SLC30A9: variants seen among roughly 807,000 people sequenced by gnomAD.
The protein encoded by SLC30A9 is proton-coupled zinc antiporter SLC30A9, mitochondrial.
In SLC30A9, 58 loss-of-function variants were observed where a neutral mutation model predicts 87.5. That is an observed-to-expected ratio of 0.66 (90% CI 0.54 to 0.82). The LOEUF (loss-of-function observed/expected upper bound fraction) is 0.82, where lower values mean the gene tolerates loss of function less well. Ranked by LOEUF, SLC30A9 falls within the 40% of genes least tolerant of loss-of-function variation. SLC30A9 has a pLI of 0.00. For missense variants in SLC30A9, 557 were observed against 679.1 expected (o/e 0.82, Z 2.00); for synonymous variants, 234 against 233.0 (o/e 1.00, Z -0.04).
intron 1 of SLC30A9, among the ~76,000 whole-genome samples, chr4:42,000,996 G>A (rs1447018186): frequency 2.6e-5 from 4 of 151,972 alleles, no homozygotes; most frequent in African/African-American, 9.7e-5. Context: ...GGTAAATTGT[G>A]GAATATACTT....
chr4:42,054,592 A>G (rs1717526527), intron 9 of SLC30A9, among the ~76,000 whole-genome samples: 1 of 150,944 alleles, frequency 6.6e-6, no homozygotes, highest in South Asian at 2.1e-4. Flanking sequence ...CCAGGTTCAC[A>G]CCATTCTCCT....
intron 8 of SLC30A9, among the ~76,000 whole-genome samples, chr4:42,039,524 T>C (rs959128748): frequency 6.6e-6 from 1 of 151,158 alleles, no homozygotes; most frequent in Non-Finnish European, 1.5e-5. Context: ...GTGCAGTGGC[T>C]CAATCTCAGC....
At chr4:42,051,322 A>G (rs1717375735) in intron 9 of SLC30A9, among the ~76,000 whole-genome samples, 2 of 152,362 alleles carry the variant, frequency 1.3e-5, no homozygotes, top group South Asian at 4.1e-4. Flanking sequence ...TTCTTTAATA[A>G]AGGCAGCAAA....
rs558554225 is a variant in SLC30A9 at position 42,039,335 on chromosome 4, G to A, written c.737+282G>A. Among the ~76,000 whole-genome samples, 5 of 152,228 alleles carry A rather than the reference G, an allele frequency of 3.3e-5. No homozygotes were observed. In the East Asian group the frequency reaches 9.6e-4, roughly 29 times the overall value. ...TTTCTTGTTTTTATTGGAGTTGATA[G>A]AAGTCTTTTTTAAAGAAGTTAGCTA... On this transcript the variant is annotated intron_variant, in intron 8 of 17. Coordinates refer to ENST00000264451, the MANE Select transcript of SLC30A9 (RefSeq NM_006345.4).
At chr4:42,032,809 T>C (rs1716503260) in intron 6 of SLC30A9, among the ~76,000 whole-genome samples, 1 of 152,236 alleles carries the variant, frequency 6.6e-6, no homozygotes, top group South Asian at 2.1e-4. Context: ...TCAGGAATAA[T>C]ATGTTTCAGA....
chr4:42,055,765 C>A (rs982561471), intron 9 of SLC30A9, among the ~76,000 whole-genome samples: 2 of 152,060 alleles, frequency 1.3e-5, no homozygotes, highest in Non-Finnish European at 2.9e-5. Context: ...AGGTTATATG[C>A]GGTTATATGC....
At chr4:42,039,092 T>C in intron 8 of SLC30A9, 39 bp downstream of exon 8, 1 of 1,375,574 alleles carries the variant, frequency 7.3e-7, no homozygotes, top group Non-Finnish European at 1.0e-6. Context: ...ATAGAATATA[T>C]TCTTTTAAAT....
At chr4:42,014,082 C>T (rs1036806786) in intron 2 of SLC30A9, among the ~76,000 whole-genome samples, 24 of 152,138 alleles carry the variant, frequency 1.6e-4, no homozygotes, top group African/African-American at 5.3e-4. Flanking sequence ...TCTCAAGAGA[C>T]GTTTTCAAAA....
At chr4:42,054,022 A>G (rs1348272944) in intron 9 of SLC30A9, among the ~76,000 whole-genome samples, 2 of 152,162 alleles carry the variant, frequency 1.3e-5, no homozygotes, top group East Asian at 1.9e-4. Context: ...TCATAGGAAT[A>G]TATGTTTCAA....
At chr4:42,037,353 C>T (rs1716726873) in intron 7 of SLC30A9, among the ~76,000 whole-genome samples, 1 of 136,186 alleles carries the variant, frequency 7.3e-6, no homozygotes, top group Non-Finnish European at 1.5e-5. Context: ...TATGAAATCA[C>T]AGTGTTCTGG....
intron 8 of SLC30A9, among the ~76,000 whole-genome samples, chr4:42,043,517 G>C (rs1717006401): frequency 6.6e-6 from 1 of 152,038 alleles, no homozygotes; most frequent in South Asian, 2.1e-4. Context: ...GGTAAGATTA[G>C]AGAAAAAAAT....
chr4:42,004,512 A>G (rs1223492339), intron 2 of SLC30A9, among the ~76,000 whole-genome samples: 7 of 151,680 alleles, frequency 4.6e-5, no homozygotes, highest in Admixed American at 6.6e-5. Flanking sequence ...CGTATTTTCT[A>G]TTTCTTTACC....
At chr4:42,069,934 C>T (rs535716574) in intron 14 of SLC30A9, among the ~76,000 whole-genome samples, 1 of 152,268 alleles carries the variant, frequency 6.6e-6, no homozygotes, top group Admixed American at 6.5e-5. Context: ...CAAGTGATGG[C>T]TGCTGGTCCA....
chr4:42,062,246 A>G (rs1246622510), intron 10 of SLC30A9, among the ~76,000 whole-genome samples: 1 of 151,838 alleles, frequency 6.6e-6, no homozygotes, highest in African/African-American at 2.4e-5. Flanking sequence ...GAAGAGTGCC[A>G]CTGAGTTTGG....
At position 41,994,466 on chromosome 4, in the gene SLC30A9, A is replaced by C. The variant is rs550621859; in HGVS notation, c.109+3706A>C. ...TTGCCTCATTTGGCAAAAATTTGAG[A>C]GGGGAAGACACTTAAGTATACTAGA... On this transcript the variant is annotated intron_variant, in intron 1 of 17. Coordinates refer to ENST00000264451, the MANE Select transcript of SLC30A9 (RefSeq NM_006345.4). Among the ~76,000 whole-genome samples the C allele has an allele frequency of 1.6e-3, 239 of 151,538 alleles. 1 individual carries two copies. The highest frequency in any genetic ancestry group is 5.4e-3 in the African/African-American group (221 of 41,258).
intron 15 of SLC30A9, among the ~76,000 whole-genome samples, chr4:42,072,751 G>C (rs1276131071): frequency 6.6e-6 from 1 of 150,398 alleles, no homozygotes; most frequent in Non-Finnish European, 1.5e-5. Context: ...TGTTTGTTAG[G>C]TTTAATTGGT....
chr4:42,002,669 T>TA (rs764577271), intron 2 of SLC30A9, among the ~76,000 whole-genome samples: 1 of 152,188 alleles, frequency 6.6e-6, no homozygotes, highest in African/African-American at 2.4e-5. Flanking sequence ...CTTTATCCAG[T>TA]ACCCCATTGA....
chr4:42,076,002 A>C (rs997852692), intron 16 of SLC30A9, among the ~76,000 whole-genome samples: 1 of 152,154 alleles, frequency 6.6e-6, no homozygotes, highest in Non-Finnish European at 1.5e-5. Flanking sequence ...ATGTGCATTT[A>C]ATCTTTTTTT....
At chr4:42,065,199 C>T in intron 11 of SLC30A9, 111 bp from the exon 12 acceptor site, 2 of 673,496 alleles carry the variant, frequency 3.0e-6, no homozygotes, top group Non-Finnish European at 5.5e-6. Flanking sequence ...ACCTTACTGT[C>T]TGGCTTAAAT....
Sources: gnomAD v4.1 joint callset for allele counts (sites outside exome capture counted in the v4.1 genomes callset) on GRCh38, gnomAD v4.1.1 for gene constraint, MANE v1.5 for transcripts, NCBI Gene and HGNC (gene_info 2026-07-23, HGNC 2026-07-21) for gene names.